Variants in TMC7 observed in about 807,000 individuals in gnomAD.
The protein encoded by TMC7 is transmembrane channel-like protein 7.
TMC7 carries 54 observed loss-of-function variants against 82.9 expected under a neutral mutation model. The ratio of observed to expected loss-of-function variants is 0.65; its 90% CI spans 0.52 to 0.82. The LOEUF (loss-of-function observed/expected upper bound fraction) is 0.82, where lower values mean the gene tolerates loss of function less well. Among genes scored for constraint, TMC7 ranks in the 40% least tolerant of loss-of-function variants. TMC7 has a pLI of 0.00. For missense variants in TMC7, 820 were observed against 901.2 expected (o/e 0.91, Z 1.15); for synonymous variants, 350 against 337.9 (o/e 1.04, Z -0.39).
Position 19,037,861 on chromosome 16 carries a change from C to G in TMC7, c.1006-13C>G, listed in dbSNP as rs751717118. On this transcript the variant is annotated splice_polypyrimidine_tract_variant and intron_variant, in intron 7 of 15. Coordinates refer to ENST00000304381, the MANE Select transcript of TMC7 (RefSeq NM_024847.4). Reference sequence around the variant, plus strand: ...ATCCCACTGCTCACAAGTGAATTTTCTTTTATCTTCAGGCAGATCTGGAGG... The same window carrying G: ...ATCCCACTGCTCACAAGTGAATTTTGTTTTATCTTCAGGCAGATCTGGAGG... 1.2e-6 allele frequency: 2 copies of G among 1,607,892 alleles called. No homozygotes were observed.
At chr16:19,016,316 C>G in intron 2 of TMC7, 134 bp from the exon 3 acceptor site, 1 of 986,748 alleles carries the variant, frequency 1.0e-6, no homozygotes, top group Non-Finnish European at 1.5e-6. Context: ...TCTTGAACTC[C>G]TGACCTCAGG....
chr16:19,018,055 C>G (rs4780776), intron 3 of TMC7, among the ~76,000 whole-genome samples: 1 of 152,280 alleles, frequency 6.6e-6, no homozygotes, highest in Non-Finnish European at 1.5e-5. Context: ...GGAGGATCAC[C>G]TGAGCCCAGG....
At chr16:18,995,675 T>C (rs1308205998) in intron 1 of TMC7, among the ~76,000 whole-genome samples, 1 of 152,218 alleles carries the variant, frequency 6.6e-6, no homozygotes, top group Non-Finnish European at 1.5e-5. Flanking sequence ...GCTAGAGATG[T>C]GGCTGGGGTT....
chr16:19,042,122 T>G (rs1470006251), intron 9 of TMC7, among the ~76,000 whole-genome samples: 1 of 152,098 alleles, frequency 6.6e-6, no homozygotes, highest in Admixed American at 6.6e-5. Context: ...GAAGGTGGTG[T>G]TAGTAATGAG....
chr16:19,045,467 C>T (rs571210961), intron 11 of TMC7, 29 bp downstream of exon 11: 2 of 1,478,398 alleles, frequency 1.4e-6, no homozygotes, highest in Middle Eastern at 1.7e-4. Flanking sequence ...CATATTATCC[C>T]CCCCACCACA....
At chr16:19,049,199 T>A (rs1179525720) in intron 12 of TMC7, among the ~76,000 whole-genome samples, 1 of 152,114 alleles carries the variant, frequency 6.6e-6, no homozygotes, top group Non-Finnish European at 1.5e-5. Flanking sequence ...AATTTTTGTA[T>A]TTTTAGTAGA....
chr16:19,006,310 A>C (rs2039240033), intron 1 of TMC7, among the ~76,000 whole-genome samples: 1 of 151,364 alleles, frequency 6.6e-6, no homozygotes, highest in African/African-American at 2.4e-5. Context: ...AAGCGATCCT[A>C]AATAGCTGGG....
Position 19,040,447 on chromosome 16 carries a change from G to A in TMC7, c.1337+1G>A. On this transcript the variant is annotated splice_donor_variant, in intron 9 of 15. Transcript: ENST00000304381. LOFTEE classifies it high-confidence loss of function. ...TTGAGATCCGTCTGACAATCCTTAG[G>A]TAATGCCTAACATGAAGATGGCAGG... is the stretch of plus-strand genomic sequence containing the variant. 1 of 1,609,168 alleles carries A rather than the reference G, an allele frequency of 6.2e-7. No individual in the cohort carries two copies. Among genetic ancestry groups the A allele is most frequent in the South Asian group, 1.1e-5 (1 of 90,744 alleles).
chr16:18,995,244 G>T (rs1366493701), intron 1 of TMC7, among the ~76,000 whole-genome samples: 2 of 152,182 alleles, frequency 1.3e-5, no homozygotes, highest in Non-Finnish European at 2.9e-5. Flanking sequence ...GGAGGCAAGG[G>T]AAACTGGCCC....
At chr16:18,987,371 C>T (rs557822836) in intron 1 of TMC7, among the ~76,000 whole-genome samples, 23 of 152,100 alleles carry the variant, frequency 1.5e-4, no homozygotes, top group African/African-American at 5.3e-4. Flanking sequence ...AGTGCAGTAG[C>T]GCGATCTCGG....
rs1960644838 is a variant in TMC7 at position 19,034,328 on chromosome 16, G to T, written c.858-1348G>T. 3.3e-5 allele frequency among the ~76,000 whole-genome samples: 5 copies of T among 152,184 alleles called. No individual in the cohort carries two copies. In the South Asian group the frequency reaches 1.0e-3, roughly 31 times the overall value. On this transcript the variant is annotated intron_variant, in intron 6 of 15. Coordinates refer to ENST00000304381, the MANE Select transcript of TMC7 (RefSeq NM_024847.4). ...AATAAAAGGGATTGGGCTAGGTGCGGTGGCTCATGCCTGTAATCCCAGCGC... is the reference window on the plus strand; with the variant it reads ...AATAAAAGGGATTGGGCTAGGTGCGTTGGCTCATGCCTGTAATCCCAGCGC...
intron 1 of TMC7, among the ~76,000 whole-genome samples, chr16:19,006,983 G>GTTT (rs532737190): frequency 6.9e-6 from 1 of 144,494 alleles, no homozygotes. Flanking sequence ...CGTGCAGCTA[G>GTTT]TTTTTTTTTT....
chr16:19,002,855 C>T (rs2039166155), intron 1 of TMC7, among the ~76,000 whole-genome samples: 2 of 152,226 alleles, frequency 1.3e-5, no homozygotes, highest in African/African-American at 2.4e-5. Context: ...CAGCAAGGCT[C>T]TTGGCTGGAC....
intron 6 of TMC7, among the ~76,000 whole-genome samples, chr16:19,034,614 G>A (rs4782196): frequency 6.0e-5 from 9 of 150,054 alleles, no homozygotes; most frequent in African/African-American, 1.2e-4. Context: ...AAATAAATAA[G>A]TAAATAAATA....
At chr16:19,061,629 A>C (rs1184986755) in intron 15 of TMC7, 149 bp from the exon 16 acceptor site, 3 of 600,056 alleles carry the variant, frequency 5.0e-6, no homozygotes, top group Admixed American at 3.2e-5. Flanking sequence ...TTTGTGGACA[A>C]GGGGCTGTGG....
At chr16:19,014,278 G>T (rs1458134720) in intron 2 of TMC7, among the ~76,000 whole-genome samples, 1 of 152,118 alleles carries the variant, frequency 6.6e-6, no homozygotes. Context: ...GATGCCAGAA[G>T]CATGTCCCCC....
rs147244100 is a variant in TMC7, at chr16:19,056,479, G to C, written c.1872-63G>C. 4.5e-3 allele frequency: 7,071 copies of C among 1,554,858 alleles called. 33 individuals carry two copies. Among genetic ancestry groups the C allele is most frequent in the Middle Eastern group, 8.1e-3 (36 of 4,450 alleles). ...GTTAACAAAACATTCTGGGTGTACAGGGGCGGGACACTCAACCTGTGCTGC... is the reference window on the plus strand; with the variant it reads ...GTTAACAAAACATTCTGGGTGTACACGGGCGGGACACTCAACCTGTGCTGC... On this transcript the variant is annotated intron_variant, in intron 13 of 15. Coordinates refer to ENST00000304381, the MANE Select transcript of TMC7 (RefSeq NM_024847.4).
chr16:19,049,548 G>A (rs751507922), intron 12 of TMC7: 116 of 871,558 alleles, frequency 1.3e-4, no homozygotes, highest in Non-Finnish European at 1.6e-4. Context: ...CAGGTTGGCC[G>A]AAATCATCAA....
chr16:19,000,807 C>T (rs1245570722), intron 1 of TMC7, among the ~76,000 whole-genome samples: 2 of 152,012 alleles, frequency 1.3e-5, no homozygotes, highest in African/African-American at 2.4e-5. Context: ...TTGCTTGGGT[C>T]CAGGAGTTTG....
Sources: allele counts gnomAD v4.1 joint callset (sites outside exome capture counted in the v4.1 genomes callset), GRCh38; gene constraint gnomAD v4.1.1; transcripts MANE v1.5; gene names NCBI Gene and HGNC (gene_info 2026-07-23, HGNC 2026-07-21).